Variants in RORB observed in about 807,000 individuals in gnomAD.
RORB encodes the protein nuclear receptor ROR-beta.
A neutral mutation model predicts 59.1 loss-of-function variants in RORB; 6 were observed. The ratio of observed to expected loss-of-function variants is 0.10; its 90% CI spans 0.06 to 0.20. The LOEUF (loss-of-function observed/expected upper bound fraction) is 0.20, where lower values mean the gene tolerates loss of function less well. RORB is among the 10% of genes least tolerant of loss of function. The pLI is 1.00. For missense variants in RORB, 320 were observed against 560.5 expected, an observed-to-expected ratio of 0.57 and a Z score of 4.33; for synonymous variants, 215 against 204.5, an observed-to-expected ratio of 1.05 and a Z score of -0.44.
At chr9:74,639,103 G>T (rs1823751371) in intron 3 of RORB, among the ~76,000 whole-genome samples, 1 of 152,210 alleles carries the variant, frequency 6.6e-6, no homozygotes, top group South Asian at 2.1e-4. Context: ...AGATTTCTGT[G>T]TCCATCAGCT....
At position 74,663,593 on chromosome 9, in the gene RORB, T is replaced by G. The variant is rs535092567; in HGVS notation, c.892+987T>G. On this transcript the variant is annotated intron_variant, in intron 6 of 9. Transcript: ENST00000376896. ...AAAATTTAACTAAAACAACAAGAAT[T>G]ATTTCTTTCGCTCTCAAAGCTACAA... is the stretch of plus-strand genomic sequence containing the variant. Among the ~76,000 whole-genome samples the G allele has an allele frequency of 2.0e-5, 3 of 152,306 alleles. No individual in the cohort carries two copies. In the South Asian group the frequency reaches 6.2e-4, roughly 32 times the overall value.
intron 3 of RORB, among the ~76,000 whole-genome samples, chr9:74,636,772 G>A (rs1350539764): frequency 2.6e-5 from 4 of 152,080 alleles, no homozygotes; most frequent in South Asian, 2.1e-4. Flanking sequence ...GGGTGTGGGT[G>A]GGGTGGGGAA....
intron 1 of RORB, among the ~76,000 whole-genome samples, chr9:74,545,898 C>T (rs958558560): frequency 2.0e-5 from 3 of 151,992 alleles, no homozygotes; most frequent in African/African-American, 7.2e-5. Context: ...AGGGCAATGG[C>T]ACAGTCAATA....
At chr9:74,547,741 G>A (rs146165968) in intron 1 of RORB, among the ~76,000 whole-genome samples, 1 of 152,240 alleles carries the variant, frequency 6.6e-6, no homozygotes, top group Non-Finnish European at 1.5e-5. Context: ...GGGGAGGAGA[G>A]ACAGTGACTC....
chr9:74,548,384 G>T (rs907516765), intron 1 of RORB, among the ~76,000 whole-genome samples: 3 of 152,210 alleles, frequency 2.0e-5, no homozygotes, highest in Non-Finnish European at 2.9e-5. Context: ...AGTTTCTGCT[G>T]GTTGAGAAGT....
chr9:74,629,332 T>C (rs1396610561), intron 1 of RORB, among the ~76,000 whole-genome samples: 1 of 151,568 alleles, frequency 6.6e-6, no homozygotes, highest in African/African-American at 2.4e-5. Context: ...GTTGATTCCT[T>C]ATGGCCAGTG....
At position 74,603,552 on chromosome 9, in the gene RORB, G is replaced by A. The variant is rs187316438; in HGVS notation, c.8-26730G>A. On this transcript the variant is annotated intron_variant, in intron 1 of 9. Transcript: ENST00000376896. The stretch of plus-strand genomic sequence containing the variant: ...CTGGGAGGATCATGAATTCCTCCAG[G>A]CAAGACTCTAATTAACTATCACAAG... Among the ~76,000 whole-genome samples, 252 of 152,230 alleles carry A rather than the reference G, an allele frequency of 1.7e-3. 2 individuals carry two copies. Among genetic ancestry groups the A allele is most frequent in the African/African-American group, 5.3e-3 (222 of 41,518 alleles).
In RORB at chr9:74,617,369, C is replaced by T. The variant is rs546356982; in HGVS notation, c.8-12913C>T. On this transcript the variant is annotated intron_variant, in intron 1 of 9. Coordinates refer to ENST00000376896, the MANE Select transcript of RORB (RefSeq NM_006914.4). ...AAATTTGAAAATTATAATGTTATTT[C>T]TCACTACTTTTTGTGGCAATTATAC... 5.1e-4 allele frequency among the ~76,000 whole-genome samples: 77 copies of T among 152,140 alleles called. 2 individuals carry two copies. Among genetic ancestry groups the T allele is most frequent in the Non-Finnish European group, 7.8e-4 (53 of 68,028 alleles).
intron 4 of RORB, among the ~76,000 whole-genome samples, chr9:74,659,883 A>C (rs1824152008): frequency 6.6e-6 from 1 of 152,162 alleles, no homozygotes; most frequent in Non-Finnish European, 1.5e-5. Context: ...TTTTGTGAAT[A>C]TAATCATTTA....
At chr9:74,639,570 C>T (rs1823761462) in intron 3 of RORB, among the ~76,000 whole-genome samples, 1 of 151,628 alleles carries the variant, frequency 6.6e-6, no homozygotes, top group Middle Eastern at 3.4e-3. Flanking sequence ...TATTCTCAAT[C>T]TTTAATTCCT....
chr9:74,566,869 C>T (rs1822477298), intron 1 of RORB, among the ~76,000 whole-genome samples: 1 of 152,134 alleles, frequency 6.6e-6, no homozygotes, highest in African/African-American at 2.4e-5. Context: ...TCAGAGATGT[C>T]ATTAGTATTT....
At chr9:74,665,661 A>G in intron 7 of RORB, 66 bp downstream of exon 7, 2 of 1,012,914 alleles carry the variant, frequency 2.0e-6, no homozygotes, top group Non-Finnish European at 3.1e-6. Context: ...TTAGATTGAA[A>G]TTGGTAAATG....
At chr9:74,586,695 A>C (rs1245870747) in intron 1 of RORB, among the ~76,000 whole-genome samples, 1 of 151,046 alleles carries the variant, frequency 6.6e-6, no homozygotes, top group African/African-American at 2.4e-5. Flanking sequence ...GCTACTCCAC[A>C]TGGACAAAGT....
At chr9:74,628,216 G>A (rs1047051503) in intron 1 of RORB, among the ~76,000 whole-genome samples, 2 of 152,040 alleles carry the variant, frequency 1.3e-5, no homozygotes, top group Non-Finnish European at 2.9e-5. Flanking sequence ...ATACTAGCTC[G>A]TGTAATCTAA....
At chr9:74,513,001 A>T (rs1046598107) in intron 1 of RORB, among the ~76,000 whole-genome samples, 2 of 152,216 alleles carry the variant, frequency 1.3e-5, no homozygotes, top group Non-Finnish European at 2.9e-5. Context: ...CAAGTCAGGT[A>T]GTTTCCTTTA....
intron 3 of RORB, among the ~76,000 whole-genome samples, chr9:74,636,193 T>C (rs1230818686): frequency 6.6e-6 from 1 of 152,176 alleles, no homozygotes; most frequent in African/African-American, 2.4e-5. Context: ...TTTTGATACT[T>C]ATTTCGTGTA....
At chr9:74,546,504 C>A (rs991537985) in intron 1 of RORB, among the ~76,000 whole-genome samples, 1 of 151,912 alleles carries the variant, frequency 6.6e-6, no homozygotes, top group East Asian at 1.9e-4. Flanking sequence ...AGAAGAAGGG[C>A]ATAATCAATG....
intron 1 of RORB, among the ~76,000 whole-genome samples, chr9:74,551,673 T>C (rs970805692): frequency 1.3e-5 from 2 of 152,226 alleles, no homozygotes; most frequent in Non-Finnish European, 2.9e-5. Context: ...TTATACAATA[T>C]AATTAGAGAC....
At chr9:74,546,987 G>T (rs543389788) in intron 1 of RORB, among the ~76,000 whole-genome samples, 1 of 152,052 alleles carries the variant, frequency 6.6e-6, no homozygotes, top group Non-Finnish European at 1.5e-5. Flanking sequence ...CCAGCTACTC[G>T]GGAGGCTGAG....
Sources: gnomAD v4.1 joint callset for allele counts (sites outside exome capture counted in the v4.1 genomes callset) on GRCh38, gnomAD v4.1.1 for gene constraint, MANE v1.5 for transcripts, NCBI Gene and HGNC (gene_info 2026-07-23, HGNC 2026-07-21) for gene names.